Variants in SESTD1 observed in about 807,000 individuals in gnomAD.
SESTD1 encodes SEC14 and spectrin domain containing 1, also known as SEC14 domain and spectrin repeat-containing protein 1.
SESTD1 carries 43 observed loss-of-function variants against 101.7 expected under a neutral mutation model. That is an observed-to-expected ratio of 0.42 (90% CI 0.33 to 0.55). The LOEUF is 0.55. Ranked by LOEUF, SESTD1 falls within the 20% of genes least tolerant of loss-of-function variation. The probability of loss-of-function intolerance (pLI) is 0.07; values close to 1 mark genes in which losing one functional copy is unlikely to be tolerated. For synonymous variants in SESTD1, 283 were observed against 286.8 expected, an observed-to-expected ratio of 0.99 and a Z score of 0.13; for missense variants, 647 against 815.1, an observed-to-expected ratio of 0.79 and a Z score of 2.51.
chr2:179,185,872 A>G (rs1295756300), intron 2 of SESTD1, among the ~76,000 whole-genome samples: 1 of 135,872 alleles, frequency 7.4e-6, no homozygotes, highest in East Asian at 2.1e-4. Flanking sequence ...GTTATATACA[A>G]TATATAATAT....
At chr2:179,179,403 G>C (rs1377564555) in intron 3 of SESTD1, among the ~76,000 whole-genome samples, 2 of 152,172 alleles carry the variant, frequency 1.3e-5, no homozygotes, top group African/African-American at 4.8e-5. Context: ...ACGTGAAACT[G>C]TCTAAACAGT....
rs1034074137 is a variant in SESTD1, at chr2:179,150,814, T to C, written c.483+464A>G. Among the ~76,000 whole-genome samples, 3 of 148,234 alleles carry C rather than the reference T, an allele frequency of 2.0e-5. No homozygotes were observed. The East Asian group carries it at 5.8e-4, about 29-fold the overall frequency. On this transcript the variant is annotated intron_variant, in intron 6 of 17. Transcript: ENST00000428443. ...CAGCCTGGGCAACAGAGCAAGACTG[T>C]CTCAAAAAAAAGAAAAAAAAAAATT...
At chr2:179,159,692 T>C (rs565112417) in intron 5 of SESTD1, among the ~76,000 whole-genome samples, 2 of 152,224 alleles carry the variant, frequency 1.3e-5, no homozygotes, top group Non-Finnish European at 2.9e-5. Flanking sequence ...TAGGGCTTCC[T>C]ATATTCCTTT....
At position 179,121,945 on chromosome 2, in the gene SESTD1, C is replaced by T. The variant is rs2044762031; in HGVS notation, c.1283-16G>A. The T allele has an allele frequency of 1.9e-6, 3 of 1,590,680 alleles. No individual in the cohort carries two copies. The highest frequency in any genetic ancestry group is 2.6e-6 in the Non-Finnish European group (3 of 1,172,008). ...AATCCCACATCTAAAACAAAAGTTA[C>T]TAGATTTAATCTCTTACACAACTAA... On this transcript the variant is annotated splice_polypyrimidine_tract_variant and intron_variant, in intron 12 of 17. Transcript: ENST00000428443.
chr2:179,214,337 T>C (rs2046690340), intron 1 of SESTD1, among the ~76,000 whole-genome samples: 1 of 134,036 alleles, frequency 7.5e-6, no homozygotes, highest in South Asian at 2.9e-4. Context: ...AATCCTAGTC[T>C]CTGATAAAAC....
At chr2:179,198,644 A>G (rs1574029621) in intron 1 of SESTD1, among the ~76,000 whole-genome samples, 3 of 151,952 alleles carry the variant, frequency 2.0e-5, no homozygotes, top group Admixed American at 1.3e-4. Flanking sequence ...ACTCAGGATT[A>G]AGAATCTCAC....
chr2:179,109,807 T>G lies in SESTD1; in HGVS notation c.*92A>C. 1 of 1,480,128 alleles carries G rather than the reference T, an allele frequency of 6.8e-7. No homozygotes were observed. The highest frequency in any genetic ancestry group is 9.1e-7 in the Non-Finnish European group (1 of 1,099,258). 91.7% of individuals were successfully genotyped at this position (1,480,128 alleles called of 1,614,324 possible). A position where few individuals can be genotyped will look rare whatever the true frequency, so the allele number is the denominator to read the frequency against. On this transcript the variant is annotated 3_prime_UTR_variant, in exon 18 of 18. Coordinates refer to ENST00000428443, the MANE Select transcript of SESTD1 (RefSeq NM_178123.5). The stretch of plus-strand genomic sequence containing the variant: ...AAAGAAATGAGACTTATTTTGGCTG[T>G]GAAATGCATCTTAAGGTGTGGTGGC...
At chr2:179,253,820 A>G (rs1353092096) in intron 1 of SESTD1, among the ~76,000 whole-genome samples, 3 of 152,176 alleles carry the variant, frequency 2.0e-5, no homozygotes. Context: ...TTTTGAGGCC[A>G]GGCACAGTGG....
chr2:179,229,749 T>TTTTATATA (rs1491118463), intron 1 of SESTD1, among the ~76,000 whole-genome samples: 2 of 106,362 alleles, frequency 1.9e-5, no homozygotes, highest in African/African-American at 6.7e-5. Context: ...TTGTAAGAAC[T>TTTTATATA]TATATATATA....
intron 9 of SESTD1, among the ~76,000 whole-genome samples, chr2:179,134,400 C>T (rs564490151): frequency 1.3e-5 from 2 of 152,282 alleles, no homozygotes; most frequent in East Asian, 3.9e-4. Flanking sequence ...CTGTTGCCTG[C>T]CTGCCTCCAT....
At chr2:179,258,632 C>T (rs1050700069) in intron 1 of SESTD1, among the ~76,000 whole-genome samples, 1 of 152,176 alleles carries the variant, frequency 6.6e-6, no homozygotes, top group Non-Finnish European at 1.5e-5. Context: ...ATATGCCAAG[C>T]TGCTGAAGAA....
chr2:179,221,332 G>C (rs1236414591), intron 1 of SESTD1, among the ~76,000 whole-genome samples: 2 of 151,760 alleles, frequency 1.3e-5, no homozygotes, highest in Non-Finnish European at 2.9e-5. Context: ...AAAAAATGGG[G>C]CTGGGTGCAG....
intron 1 of SESTD1, among the ~76,000 whole-genome samples, chr2:179,200,397 T>C (rs1295426399): frequency 2.0e-5 from 3 of 152,048 alleles, no homozygotes; most frequent in African/African-American, 7.2e-5. Context: ...CCAATGACTT[T>C]CTTCACAGAA....
intron 1 of SESTD1, among the ~76,000 whole-genome samples, chr2:179,235,521 C>T (rs1007327918): frequency 3.3e-5 from 5 of 152,152 alleles, no homozygotes; most frequent in African/African-American, 1.2e-4. Context: ...AACCCACATA[C>T]GTATTATAAA....
chr2:179,105,971 T>G lies in SESTD1; in HGVS notation c.*3928A>C, dbSNP rs1000500495. ...TAGCATGTATGAAAGTCAAATAATG[T>G]CAAATGGTAAGTTTCTACTTCATTT... On this transcript the variant is annotated 3_prime_UTR_variant, in exon 18 of 18. Transcript: ENST00000428443. 6.6e-6 allele frequency: 1 copy of G among 152,208 alleles called. No individual in the cohort carries two copies. Among genetic ancestry groups the G allele is most frequent in the Admixed American group, 6.5e-5 (1 of 15,270 alleles). 9.4% of individuals were successfully genotyped at this position (152,208 alleles called of 1,614,324 possible).
At chr2:179,216,543 T>C (rs1259545881) in intron 1 of SESTD1, among the ~76,000 whole-genome samples, 1 of 135,036 alleles carries the variant, frequency 7.4e-6, no homozygotes, top group African/African-American at 2.9e-5. Context: ...ATTGTGAAAA[T>C]GGCCATACTG....
At position 179,101,975 on chromosome 2, in the gene SESTD1, C is replaced by T. The variant is rs1007338455; in HGVS notation, c.*7924G>A. 3.3e-5 allele frequency: 5 copies of T among 152,112 alleles called. No homozygotes were observed. The highest frequency in any genetic ancestry group is 4.8e-5 in the African/African-American group (2 of 41,426). The allele number at this position is 152,112 out of a possible 1,614,324, so 9.4% of individuals were successfully genotyped here. On this transcript the variant is annotated 3_prime_UTR_variant, in exon 18 of 18. Transcript: ENST00000428443. ...TCTGGCAGTCCAAAATCCTTAGTAG[C>T]CATTCTGGAACTGCTATTGTTTATA...
intron 5 of SESTD1, among the ~76,000 whole-genome samples, chr2:179,164,666 G>A (rs1327236667): frequency 6.6e-6 from 1 of 152,126 alleles, no homozygotes; most frequent in Non-Finnish European, 1.5e-5. Flanking sequence ...ATTAAGGTTA[G>A]CAATGAGAGA....
chr2:179,263,573 C>G (rs1186200107), intron 1 of SESTD1, among the ~76,000 whole-genome samples: 1 of 152,082 alleles, frequency 6.6e-6, no homozygotes, highest in Non-Finnish European at 1.5e-5. Flanking sequence ...AAGTAAGAGA[C>G]GACCTGTCAA....
Sources: gnomAD v4.1 joint callset for allele counts (sites outside exome capture counted in the v4.1 genomes callset) on GRCh38, gnomAD v4.1.1 for gene constraint, MANE v1.5 for transcripts, NCBI Gene and HGNC (gene_info 2026-07-23, HGNC 2026-07-21) for gene names.